The following XKR6 variants were observed in gnomAD, a reference collection of about 807,000 sequenced individuals.
The protein encoded by XKR6 is XK-related protein 6.
A neutral mutation model predicts 56.7 loss-of-function variants in XKR6; 22 were observed. The observed-to-expected ratio is 0.39, with a 90% CI of 0.28 to 0.55. The LOEUF (loss-of-function observed/expected upper bound fraction) is 0.55. Among genes scored for constraint, XKR6 ranks in the 20% least tolerant of loss-of-function variants. The pLI, the probability that XKR6 is intolerant of heterozygous loss-of-function variation, is 0.66. For synonymous variants in XKR6, 524 were observed against 387.8 expected (o/e 1.35, Z -4.13); for missense variants, 852 against 889.0 (o/e 0.96, Z 0.53).
At chr8:11,190,252 A>C (rs1158914491) in intron 1 of XKR6, among the ~76,000 whole-genome samples, 3 of 151,682 alleles carry the variant, frequency 2.0e-5, no homozygotes, top group Non-Finnish European at 2.9e-5. Flanking sequence ...AAAGAAAAGA[A>C]AAGAAAGGAA....
At chr8:10,985,933 G>T (rs182422808) in intron 1 of XKR6, among the ~76,000 whole-genome samples, 3 of 152,288 alleles carry the variant, frequency 2.0e-5, no homozygotes, top group Admixed American at 2.0e-4. Context: ...AACTAGATAA[G>T]CTGATTTTCA....
At chr8:10,937,610 C>G (rs1471373354) in intron 1 of XKR6, among the ~76,000 whole-genome samples, 1 of 150,034 alleles carries the variant, frequency 6.7e-6, no homozygotes, top group African/African-American at 2.5e-5. Flanking sequence ...TGTTAGTTTT[C>G]CTTCTAACAG....
intron 1 of XKR6, among the ~76,000 whole-genome samples, chr8:10,984,732 C>CTA (rs58774414): frequency 0.03 from 1,402 of 47,452 alleles, 76 homozygotes; most frequent in Non-Finnish European, 0.039. Flanking sequence ...CTCTCTCTCT[C>CTA]TATATATATA....
At chr8:11,102,103 C>A (rs1798505696) in intron 1 of XKR6, among the ~76,000 whole-genome samples, 1 of 152,172 alleles carries the variant, frequency 6.6e-6, no homozygotes, top group African/African-American at 2.4e-5. Context: ...AAAATTTCAA[C>A]AGTTCTTTTC....
chr8:10,994,760 AG>A lies in XKR6; in HGVS notation c.765-69931del, dbSNP rs1248487257. On this transcript the variant is annotated intron_variant, in intron 1 of 2. Transcript: ENST00000416569. ...GATGAGGAAACTAACTCGGGACTTT[AG>A]CAATTTGTCTGAGTTATGGAACTAA... 2.6e-5 allele frequency among the ~76,000 whole-genome samples: 4 copies of A among 152,264 alleles called. 1 individual carries two copies. Among genetic ancestry groups the A allele is most frequent in the African/African-American group, 9.6e-5 (4 of 41,480 alleles).
At chr8:11,191,712 AAAAAAC>A (rs1189745514) in intron 1 of XKR6, among the ~76,000 whole-genome samples, 1 of 152,074 alleles carries the variant, frequency 6.6e-6, no homozygotes, top group African/African-American at 2.4e-5. Context: ...AAAAAAAAAA[AAAAAAC>A]AGAGAGGGAC....
chr8:10,896,263 T>G lies in XKR6; in HGVS notation c.*1689A>C, dbSNP rs1563274382. The G allele has an allele frequency of 6.6e-6, 1 of 152,566 alleles. No individual in the cohort carries two copies. The highest frequency in any genetic ancestry group is 2.4e-5 in the African/African-American group (1 of 41,428). 9.5% of individuals were successfully genotyped at this position (152,566 alleles called of 1,614,324 possible). A position where few individuals can be genotyped will look rare whatever the true frequency, so the allele number is the denominator to read the frequency against. On this transcript the variant is annotated 3_prime_UTR_variant, in exon 3 of 3. Coordinates refer to ENST00000416569, the MANE Select transcript of XKR6 (RefSeq NM_173683.4). ...AAAAATTTAAATCGTTGAACATACT[T>G]GCAACACCTGCAGAAATTCAACTTG...
chr8:10,974,871 G>T (rs141254627), intron 1 of XKR6, among the ~76,000 whole-genome samples: 3 of 152,326 alleles, frequency 2.0e-5, no homozygotes, highest in Admixed American at 1.3e-4. Flanking sequence ...AAGGTGAAAA[G>T]GTTCTGTAGA....
In XKR6 at chr8:10,898,497, A is replaced by T; in HGVS notation, c.1381T>A (p.Tyr461Asn). 1.2e-6 allele frequency: 2 copies of T among 1,613,996 alleles called. No homozygotes were observed. The highest frequency in any genetic ancestry group is 1.7e-6 in the Non-Finnish European group (2 of 1,180,022). ...TENAALTFLWYFYRDPETTDS... is the reference protein window; with the variant it reads ...TENAALTFLWNFYRDPETTDS... ...GTGGTCTCCGGGTCTCTGTAAAAATACCAAAGGAACGTCAAGGCAGCATTC... is the reference window on the plus strand; with the variant it reads ...GTGGTCTCCGGGTCTCTGTAAAAATTCCAAAGGAACGTCAAGGCAGCATTC... Residue 461 changes from tyrosine to asparagine, a missense_variant, in exon 3 of 3, where the codon TAT becomes AAT. By Grantham distance (143) the Tyr-to-Asn change is moderately radical (BLOSUM62 -2). Transcript: ENST00000416569. This position sits in a 1 kb window ranked among gnomAD's most constrained non-coding sequence, Gnocchi z 6.6.
chr8:11,057,789 C>CT (rs746857319), intron 1 of XKR6, among the ~76,000 whole-genome samples: 3 of 152,264 alleles, frequency 2.0e-5, no homozygotes, highest in Non-Finnish European at 2.9e-5. Flanking sequence ...GGCCTTGGGC[C>CT]TTTTTTTAAC....
chr8:10,999,942 G>A (rs1327924802), intron 1 of XKR6, among the ~76,000 whole-genome samples: 1 of 152,200 alleles, frequency 6.6e-6, no homozygotes, highest in Non-Finnish European at 1.5e-5. Context: ...AGAAATATGG[G>A]CAAGGAAGGT....
chr8:10,972,453 G>A (rs1040850972), intron 1 of XKR6, among the ~76,000 whole-genome samples: 3 of 152,212 alleles, frequency 2.0e-5, no homozygotes, highest in African/African-American at 4.8e-5. Context: ...AGCCAGGAAC[G>A]AACAAGCTTG....
chr8:11,016,866 C>T (rs536181540), intron 1 of XKR6, among the ~76,000 whole-genome samples: 39 of 152,368 alleles, frequency 2.6e-4, no homozygotes, highest in African/African-American at 9.1e-4. Context: ...TCCTCAATTT[C>T]ACCTCCTCGG....
chr8:10,915,608 G>A (rs1800540843), intron 2 of XKR6, among the ~76,000 whole-genome samples: 1 of 152,218 alleles, frequency 6.6e-6, no homozygotes, highest in Non-Finnish European at 1.5e-5. Flanking sequence ...TCAAGCCAGA[G>A]TGGTGCAGTG....
intron 1 of XKR6, among the ~76,000 whole-genome samples, chr8:10,953,313 G>A (rs1801784344): frequency 6.6e-6 from 1 of 152,070 alleles, no homozygotes; most frequent in Non-Finnish European, 1.5e-5. Context: ...TGAATTCTCT[G>A]GAGATCTGGT....
chr8:10,957,149 C>A (rs537145510), intron 1 of XKR6, among the ~76,000 whole-genome samples: 2 of 152,118 alleles, frequency 1.3e-5, no homozygotes, highest in Non-Finnish European at 2.9e-5. Flanking sequence ...TTGGGTTTCA[C>A]CATGTGGGCC....
At chr8:10,956,326 C>T (rs538981419) in intron 1 of XKR6, among the ~76,000 whole-genome samples, 18 of 136 alleles carry the variant, frequency 0.13, no homozygotes, top group African/African-American at 0.23. Flanking sequence ...AAAGGCGCCC[C>T]GGGATGTGGT....
intron 1 of XKR6, among the ~76,000 whole-genome samples, chr8:11,195,689 C>T (rs1354105376): frequency 2.7e-4 from 41 of 150,594 alleles, no homozygotes; most frequent in East Asian, 2.0e-4. Context: ...CGCTCTGTCG[C>T]CCAGGCTGGA....
chr8:11,070,109 G>C (rs1800078592), intron 1 of XKR6, among the ~76,000 whole-genome samples: 1 of 152,180 alleles, frequency 6.6e-6, no homozygotes, highest in Non-Finnish European at 1.5e-5. Context: ...TGGGAGTCCT[G>C]ACAACACAGA....
Sources: allele counts gnomAD v4.1 joint callset (sites outside exome capture counted in the v4.1 genomes callset), GRCh38; gene constraint gnomAD v4.1.1; non-coding constraint Gnocchi (gnomAD v3.1); transcripts MANE v1.5; gene names NCBI Gene and HGNC (gene_info 2026-07-23, HGNC 2026-07-21).